CFHR4: variants seen among roughly 807,000 people sequenced by gnomAD.
The protein encoded by CFHR4 is complement factor H-related protein 4.
A neutral mutation model predicts 69.3 loss-of-function variants in CFHR4; 64 were observed. The ratio of observed to expected loss-of-function variants is 0.92; its 90% CI spans 0.76 to 1.14. The LOEUF (loss-of-function observed/expected upper bound fraction) is 1.14, where lower values mean the gene tolerates loss of function less well. Among genes scored for constraint, CFHR4 ranks in the 50% most tolerant of loss-of-function variants. CFHR4 has a pLI of 0.00. For missense variants in CFHR4, 636 were observed against 684.9 expected (o/e 0.93, Z 0.80); for synonymous variants, 244 against 237.0 (o/e 1.03, Z -0.27).
chr1:196,903,167 A>G (rs1657715307), intron 2 of CFHR4, among the ~76,000 whole-genome samples: 2 of 151,396 alleles, frequency 1.3e-5, no homozygotes, highest in South Asian at 4.2e-4. Flanking sequence ...AGATCCCAGT[A>G]TGTCCGTAAC....
At position 196,902,239 on chromosome 1, in the gene CFHR4, T is replaced by G. The variant is rs555189761; in HGVS notation, c.59-179T>G. Among the ~76,000 whole-genome samples the G allele has an allele frequency of 2.3e-3, 350 of 151,596 alleles. 20 individuals carry two copies. The highest frequency in any genetic ancestry group is 8.2e-3 in the African/African-American group (337 of 41,142). On this transcript the variant is annotated intron_variant, in intron 1 of 9. Coordinates refer to ENST00000608469, the MANE Select transcript of CFHR4 (RefSeq NM_001201550.3). ...TAGGTCTGCACAGTTTTCTTCAATC[T>G]TCATTAGCAAACAGCTCTTCACATA... is the stretch of plus-strand genomic sequence containing the variant.
rs144345997 is a variant in CFHR4, at chr1:196,894,596, C to T, written c.58+6388C>T. ...AGATATGGGATTCTTAGTTGAAAGA[C>T]GTTTTTTTTCTTTTAGCGTTTTGAA... On this transcript the variant is annotated intron_variant, in intron 1 of 9. Coordinates refer to ENST00000608469, the MANE Select transcript of CFHR4 (RefSeq NM_001201550.3). 2.6e-4 allele frequency among the ~76,000 whole-genome samples: 40 copies of T among 151,490 alleles called. 1 individual carries two copies. Among genetic ancestry groups the T allele is most frequent in the African/African-American group, 8.8e-4 (36 of 41,100 alleles).
intron 1 of CFHR4, 152 bp from the exon 2 acceptor site, chr1:196,902,266 C>G (rs987919878): frequency 1.7e-6 from 1 of 606,008 alleles, no homozygotes; most frequent in East Asian, 2.8e-5. Flanking sequence ...CTTCACATAT[C>G]TAGGTCATTG....
At position 196,918,403 on chromosome 1, in the gene CFHR4, A is replaced by G. The variant is rs1658785486; in HGVS notation, c.1734A>G (p.Glu578=). 1.2e-6 allele frequency: 2 copies of G among 1,610,352 alleles called. No homozygotes were observed. Among genetic ancestry groups the G allele is most frequent in the African/African-American group, 1.3e-5 (1 of 74,292 alleles). ...REGIVEYPRC[E] ...GCATAGTGGAATACCCCAGATGCGAATAAGGCAGCATTGTTACCCTAAATG... is the reference window on the plus strand; with the variant it reads ...GCATAGTGGAATACCCCAGATGCGAGTAAGGCAGCATTGTTACCCTAAATG... Residue 578 remains glutamate (E), a synonymous_variant, in exon 10 of 10, where the codon GAA becomes GAG. Coordinates refer to ENST00000608469, the MANE Select transcript of CFHR4 (RefSeq NM_001201550.3).
At chr1:196,895,830 T>C (rs2124939738) in intron 1 of CFHR4, among the ~76,000 whole-genome samples, 1 of 151,808 alleles carries the variant, frequency 6.6e-6, no homozygotes, top group South Asian at 2.1e-4. Context: ...ATAATTTTTT[T>C]GTTGAAAACT....
rs933500547 is a variant in CFHR4, at chr1:196,906,083, A to G, written c.440-778A>G. Among the ~76,000 whole-genome samples the G allele has an allele frequency of 4.0e-5, 6 of 151,618 alleles. No homozygotes were observed. The East Asian group carries it at 9.7e-4, about 24-fold the overall frequency. On this transcript the variant is annotated intron_variant, in intron 3 of 9. Transcript: ENST00000608469. ...ACACATATTGATATATAATTTACAT[A>G]CTGCAAAATCCACTTCATTTTCAAG...
rs150322206 is a variant in CFHR4 at position 196,913,150 on chromosome 1, A to G, written c.1180+228A>G. Among the ~76,000 whole-genome samples, 1,366 of 151,706 alleles carry G rather than the reference A, an allele frequency of 9.0e-3. 66 individuals carry two copies. The highest frequency in any genetic ancestry group is 0.032 in the African/African-American group (1,300 of 41,238). On this transcript the variant is annotated intron_variant, in intron 7 of 9. Transcript: ENST00000608469. ...CTTACAACTCAATCTGCCTTTACAT[A>G]AAAGCAATCTTATCATGTACAGACT...
intron 2 of CFHR4, among the ~76,000 whole-genome samples, chr1:196,903,188 C>A (rs1018644256): frequency 2.0e-5 from 3 of 151,366 alleles, no homozygotes; most frequent in Non-Finnish European, 2.9e-5. Flanking sequence ...TGTCTAAGAT[C>A]TAGATATTTA....
At chr1:196,888,643 A>T (rs1656855400) in intron 1 of CFHR4, among the ~76,000 whole-genome samples, 1 of 151,252 alleles carries the variant, frequency 6.6e-6, no homozygotes, top group African/African-American at 2.4e-5. Flanking sequence ...AACAGCAAAT[A>T]AAATATTTTA....
At chr1:196,911,835 T>A (rs1487023615) in intron 6 of CFHR4, among the ~76,000 whole-genome samples, 2 of 151,400 alleles carry the variant, frequency 1.3e-5, no homozygotes, top group Non-Finnish European at 2.9e-5. Context: ...ATAAAACTGT[T>A]TACAATAGAA....
Position 196,910,462 on chromosome 1 carries a change from A to AT in CFHR4, c.981_982insT (p.Thr328TyrfsTer16). On this transcript the variant is annotated frameshift_variant, in exon 6 of 10. Coordinates refer to ENST00000608469, the MANE Select transcript of CFHR4 (RefSeq NM_001201550.3). LOFTEE classifies it high-confidence loss of function. ...ACTGCACACAAGATGGGTGGTTGCC[A>AT]ACAGTCCCATGCCTCAGTAAGCAAA... 1 of 1,612,350 alleles carries AT rather than the reference A, an allele frequency of 6.2e-7. No individual in the cohort carries two copies. The highest frequency in any genetic ancestry group is 8.5e-7 in the Non-Finnish European group (1 of 1,179,234).
intron 1 of CFHR4, 101 bp downstream of exon 1, chr1:196,888,309 A>G (rs1656835266): frequency 8.5e-7 from 1 of 1,171,812 alleles, no homozygotes; most frequent in Middle Eastern, 2.0e-4. Context: ...ATCTGATAGG[A>G]TATATTCACT....
intron 7 of CFHR4, among the ~76,000 whole-genome samples, chr1:196,914,273 C>A (rs1658448382): frequency 6.6e-6 from 1 of 151,246 alleles, no homozygotes; most frequent in Admixed American, 6.6e-5. Context: ...TATATTTTCA[C>A]AGGATTTGAA....
intron 9 of CFHR4, among the ~76,000 whole-genome samples, chr1:196,917,999 C>G (rs1037843655): frequency 4.0e-5 from 6 of 151,566 alleles, no homozygotes; most frequent in African/African-American, 1.5e-4. Context: ...ATCACCTCAC[C>G]TGATGATCTC....
At chr1:196,899,368 G>T (rs1287566864) in intron 1 of CFHR4, among the ~76,000 whole-genome samples, 1 of 151,418 alleles carries the variant, frequency 6.6e-6, no homozygotes, top group African/African-American at 2.4e-5. Flanking sequence ...AGTATACGTC[G>T]CTGCAATCTT....
Position 196,918,475 on chromosome 1 carries a change from A to T in CFHR4, c.*69A>T. ...ACTCTTATGGTCTCAAAGCTTGCAAAGATAGCTTCTGATATTGTTGTAATT... is the reference window on the plus strand; with the variant it reads ...ACTCTTATGGTCTCAAAGCTTGCAATGATAGCTTCTGATATTGTTGTAATT... On this transcript the variant is annotated 3_prime_UTR_variant, in exon 10 of 10. Coordinates refer to ENST00000608469, the MANE Select transcript of CFHR4 (RefSeq NM_001201550.3). 1 of 1,419,862 alleles carries T rather than the reference A, an allele frequency of 7.0e-7. No homozygotes were observed. Among genetic ancestry groups the T allele is most frequent in the African/African-American group, 1.4e-5 (1 of 69,884 alleles). The allele number at this position is 1,419,862 out of a possible 1,614,324, so 88.0% of individuals were successfully genotyped here.
Position 196,910,462 on chromosome 1 carries a change from A to G in CFHR4, c.981A>G (p.Pro327=), listed in dbSNP as rs192533579. The G allele has an allele frequency of 4.3e-6, 7 of 1,612,350 alleles. 1 individual carries two copies. In the Admixed American group the frequency reaches 1.0e-4, roughly 23 times the overall value. ...YIHCTQDGWL[P]TVPCLRTCSK... is the part of the protein sequence containing the mutation. ...ACTGCACACAAGATGGGTGGTTGCC[A>G]ACAGTCCCATGCCTCAGTAAGCAAA... Residue 327 remains proline, a synonymous_variant, in exon 6 of 10, where the codon CCA becomes CCG. Coordinates refer to ENST00000608469, the MANE Select transcript of CFHR4 (RefSeq NM_001201550.3).
chr1:196,911,106 C>T (rs1017078917), intron 6 of CFHR4, among the ~76,000 whole-genome samples: 6 of 97,868 alleles, frequency 6.1e-5, no homozygotes, highest in Non-Finnish European at 1.1e-4. Flanking sequence ...TTGTTTGAGA[C>T]CCCAGTATGT....
intron 9 of CFHR4, among the ~76,000 whole-genome samples, chr1:196,915,346 C>T (rs1194093734): frequency 1.3e-5 from 2 of 150,882 alleles, no homozygotes; most frequent in South Asian, 2.1e-4. Flanking sequence ...TTTTTTAAAA[C>T]AGGAATGTCG....
Sources: gnomAD v4.1 joint callset for allele counts (sites outside exome capture counted in the v4.1 genomes callset) on GRCh38, gnomAD v4.1.1 for gene constraint, MANE v1.5 for transcripts, NCBI Gene and HGNC (gene_info 2026-07-23, HGNC 2026-07-21) for gene names.